The following CFAP299 variants were observed in gnomAD, a reference collection of about 807,000 sequenced individuals.
CFAP299 encodes cilia- and flagella-associated protein 299.
A neutral mutation model predicts 27.0 loss-of-function variants in CFAP299; 21 were observed. The observed-to-expected ratio is 0.78, with a 90% CI of 0.55 to 1.12. CFAP299 has a LOEUF of 1.12. Among genes scored for constraint, CFAP299 ranks in the 50% most tolerant of loss-of-function variants. CFAP299 has a pLI of 0.00. For synonymous variants in CFAP299, 104 were observed against 98.1 expected, an observed-to-expected ratio of 1.06 and a Z score of -0.36; for missense variants, 310 against 276.6, an observed-to-expected ratio of 1.12 and a Z score of -0.86.
chr4:80,839,664 C>G (rs2110137835), intron 3 of CFAP299, among the ~76,000 whole-genome samples: 1 of 151,428 alleles, frequency 6.6e-6, no homozygotes, highest in East Asian at 1.9e-4. Flanking sequence ...TCATAAAAAT[C>G]AAATTATTAT....
chr4:80,737,864 T>C (rs1454118581), intron 3 of CFAP299, among the ~76,000 whole-genome samples: 1 of 152,160 alleles, frequency 6.6e-6, no homozygotes, highest in Non-Finnish European at 1.5e-5. Context: ...TAGACACTTA[T>C]AGCTATAAAC....
At chr4:80,535,823 T>C (rs376785829) in intron 2 of CFAP299, among the ~76,000 whole-genome samples, 2 of 152,184 alleles carry the variant, frequency 1.3e-5, no homozygotes, top group South Asian at 2.1e-4. Context: ...GGTGTAATTA[T>C]TTAGAAGTGT....
At chr4:80,897,229 T>C (rs1349926476) in intron 4 of CFAP299, among the ~76,000 whole-genome samples, 1 of 152,144 alleles carries the variant, frequency 6.6e-6, no homozygotes, top group African/African-American at 2.4e-5. Flanking sequence ...GCAGTTTTCA[T>C]CATTGTACAA....
rs569089249 is a variant in CFAP299 at position 80,390,820 on chromosome 4, T to C, written c.242+27936T>C. Among the ~76,000 whole-genome samples the C allele has an allele frequency of 2.2e-4, 28 of 128,460 alleles. 1 individual carries two copies. In the South Asian group the frequency reaches 8.3e-3, roughly 38 times the overall value. The allele number at this position is 128,460 out of a possible 152,430, so 84.3% of individuals were successfully genotyped here. On this transcript the variant is annotated intron_variant, in intron 2 of 5. Coordinates refer to ENST00000358105, the MANE Select transcript of CFAP299 (RefSeq NM_152770.3). Reference sequence around the variant, plus strand: ...ATATGTATATATGTATACACACATATATGTATATGTATATATGTATATACA... The same window carrying C: ...ATATGTATATATGTATACACACATACATGTATATGTATATATGTATATACA...
chr4:80,492,679 A>G (rs1050663403), intron 2 of CFAP299, among the ~76,000 whole-genome samples: 2 of 152,220 alleles, frequency 1.3e-5, no homozygotes, highest in African/African-American at 4.8e-5. Context: ...TTATTAAGGT[A>G]TGGTGAGGCC....
At chr4:80,795,556 A>G (rs1372704386) in intron 3 of CFAP299, among the ~76,000 whole-genome samples, 1 of 152,174 alleles carries the variant, frequency 6.6e-6, no homozygotes, top group African/African-American at 2.4e-5. Flanking sequence ...CCACTGGTGC[A>G]GGCTGGGGGA....
chr4:80,797,950 T>G (rs1727967042), intron 3 of CFAP299, among the ~76,000 whole-genome samples: 1 of 152,156 alleles, frequency 6.6e-6, no homozygotes, highest in Non-Finnish European at 1.5e-5. Context: ...CTTTTTTAAC[T>G]GCTTGAGCTG....
intron 2 of CFAP299, among the ~76,000 whole-genome samples, chr4:80,517,102 G>T (rs906625390): frequency 6.6e-6 from 1 of 152,170 alleles, no homozygotes; most frequent in African/African-American, 2.4e-5. Context: ...GTTCATTAAT[G>T]ACCTTGGTGG....
chr4:80,803,242 C>T (rs1237630490), intron 3 of CFAP299, among the ~76,000 whole-genome samples: 1 of 151,894 alleles, frequency 6.6e-6, no homozygotes, highest in African/African-American at 2.4e-5. Flanking sequence ...CAATACAGTG[C>T]AATAAGGGTA....
intron 2 of CFAP299, among the ~76,000 whole-genome samples, chr4:80,407,276 T>C (rs972495294): frequency 6.6e-6 from 1 of 152,210 alleles, no homozygotes; most frequent in Non-Finnish European, 1.5e-5. Flanking sequence ...GCATTAAACC[T>C]ACCCCAAAAC....
At chr4:80,777,578 C>A (rs1183002193) in intron 3 of CFAP299, among the ~76,000 whole-genome samples, 1 of 152,124 alleles carries the variant, frequency 6.6e-6, no homozygotes, top group African/African-American at 2.4e-5. Context: ...CTTACTTCTA[C>A]GCTCTTGGAC....
intron 3 of CFAP299, among the ~76,000 whole-genome samples, chr4:80,843,326 C>T (rs548156395): frequency 9.9e-5 from 15 of 152,032 alleles, no homozygotes; most frequent in African/African-American, 3.4e-4. Flanking sequence ...TGAGAACATG[C>T]GGTGTTTGGA....
chr4:80,325,984 T>C, the CFAP299 span, among the ~76,000 whole-genome samples: 1 of 152,262 alleles, frequency 6.6e-6, no homozygotes, highest in African/African-American at 2.4e-5. Flanking sequence ...CCAAGCCAGA[T>C]ATATAAGATA....
At chr4:80,817,349 T>C (rs1578152269) in intron 3 of CFAP299, among the ~76,000 whole-genome samples, 1 of 152,040 alleles carries the variant, frequency 6.6e-6, no homozygotes, top group South Asian at 2.1e-4. Context: ...CTATTAAAAG[T>C]TTGTATTTTA....
At position 80,852,000 on chromosome 4, in the gene CFAP299, G is replaced by T. The variant is rs138997222; in HGVS notation, c.334-17993G>T. Among the ~76,000 whole-genome samples the T allele has an allele frequency of 3.7e-3, 560 of 152,194 alleles. 3 individuals carry two copies. The highest frequency in any genetic ancestry group is 0.013 in the African/African-American group (545 of 41,532). On this transcript the variant is annotated intron_variant, in intron 3 of 5. Transcript: ENST00000358105. The stretch of plus-strand genomic sequence containing the variant: ...CAAGGATAGATCTGGGCTTCTTTTG[G>T]CAATTAAAGGAATATAAGAGGAGAA...
chr4:80,837,107 AT>A (rs1344242996), intron 3 of CFAP299, among the ~76,000 whole-genome samples: 6 of 152,074 alleles, frequency 3.9e-5, no homozygotes, highest in African/African-American at 1.4e-4. Context: ...AAATGATAAA[AT>A]TGCCTTTATT....
chr4:80,664,738 G>T (rs902995991), intron 3 of CFAP299, among the ~76,000 whole-genome samples: 2 of 152,098 alleles, frequency 1.3e-5, no homozygotes, highest in East Asian at 1.9e-4. Context: ...GGGAGTGAAT[G>T]GTTCTGCCTG....
At chr4:80,472,223 G>C (rs1730034092) in intron 2 of CFAP299, among the ~76,000 whole-genome samples, 1 of 152,132 alleles carries the variant, frequency 6.6e-6, no homozygotes, top group Non-Finnish European at 1.5e-5. Flanking sequence ...AGGGATTACA[G>C]ACTTAAAATG....
At chr4:80,877,244 A>G (rs1000380145) in intron 4 of CFAP299, among the ~76,000 whole-genome samples, 1 of 152,194 alleles carries the variant, frequency 6.6e-6, no homozygotes, top group African/African-American at 2.4e-5. Flanking sequence ...GATAAATTTA[A>G]TTTTCCAATA....
Sources: allele counts gnomAD v4.1 joint callset (sites outside exome capture counted in the v4.1 genomes callset), GRCh38; gene constraint gnomAD v4.1.1; transcripts MANE v1.5; gene names NCBI Gene and HGNC (gene_info 2026-07-23, HGNC 2026-07-21).